RNMT: variants seen among roughly 807,000 people sequenced by gnomAD.
The protein encoded by RNMT is RNA guanine-7 methyltransferase.
Under a neutral mutation model 56.0 loss-of-function variants are expected in RNMT, and 27 were observed. That is an observed-to-expected ratio of 0.48 (90% CI 0.36 to 0.67). RNMT has a LOEUF of 0.67. RNMT is among the 30% of genes least tolerant of loss of function. RNMT has a pLI of 0.00. For synonymous variants in RNMT, 184 were observed against 176.2 expected, an observed-to-expected ratio of 1.04 and a Z score of -0.35; for missense variants, 519 against 552.1, an observed-to-expected ratio of 0.94 and a Z score of 0.60.
rs2044610124 is a variant in RNMT, at chr18:13,760,837, C to G, written c.*858C>G. ...ATTCTCACCATCTGATGCCATGTAC[C>G]CACTTCAGAAATAAGCAATACTTGT... is the stretch of plus-strand genomic sequence containing the variant. On this transcript the variant is annotated 3_prime_UTR_variant, in exon 12 of 12. Transcript: ENST00000383314. 1.0e-6 allele frequency: 1 copy of G among 985,368 alleles called. No individual in the cohort carries two copies. Among genetic ancestry groups the G allele is most frequent in the East Asian group, 1.1e-4 (1 of 8,814 alleles). The allele number at this position is 985,368 out of a possible 1,614,324, so 61.0% of individuals were successfully genotyped here.
intron 8 of RNMT, among the ~76,000 whole-genome samples, chr18:13,743,579 T>A (rs1029082512): frequency 2.6e-5 from 4 of 152,042 alleles, no homozygotes; most frequent in African/African-American, 9.7e-5. Flanking sequence ...CAGGTAAGGC[T>A]TCAAGGCCTT....
intron 10 of RNMT, among the ~76,000 whole-genome samples, chr18:13,753,507 A>G (rs1480747573): frequency 7.3e-6 from 1 of 136,300 alleles, no homozygotes; most frequent in East Asian, 2.2e-4. Context: ...GCAATGGCTC[A>G]ACGCCTGTAA....
intron 8 of RNMT, among the ~76,000 whole-genome samples, chr18:13,744,218 T>G (rs1248994868): frequency 6.8e-6 from 1 of 146,642 alleles, no homozygotes; most frequent in Non-Finnish European, 1.5e-5. Context: ...TAAACCTAAG[T>G]CATCAGTTTA....
intron 8 of RNMT, among the ~76,000 whole-genome samples, chr18:13,743,732 A>T (rs1226724004): frequency 6.6e-6 from 1 of 151,876 alleles, no homozygotes; most frequent in Non-Finnish European, 1.5e-5. Flanking sequence ...AACTGAGAAA[A>T]AGAAGAGGTA....
chr18:13,734,557 T>C lies in RNMT; in HGVS notation c.511T>C (p.Tyr171His), dbSNP rs1490590707. ...GAAGCGTAGTCAAAGTCGTATTTTTTACCTAAGAAACTTTAATAATTGGAT... is the reference window on the plus strand; with the variant it reads ...GAAGCGTAGTCAAAGTCGTATTTTTCACCTAAGAAACTTTAATAATTGGAT... ...LEKRSQSRIF[Y>H]LRNFNNWMKS... The change falls in exon 4 of 12, where the codon TAC becomes CAC. Residue 171 changes from tyrosine to histidine, a missense_variant. Coordinates refer to ENST00000383314, the MANE Select transcript of RNMT (RefSeq NM_003799.3). 1.2e-6 allele frequency: 2 copies of C among 1,613,574 alleles called. No individual in the cohort carries two copies. Among genetic ancestry groups the C allele is most frequent in the African/African-American group, 2.7e-5 (2 of 74,914 alleles).
In RNMT at chr18:13,741,210, A is replaced by T. The variant is rs1012679741; in HGVS notation, c.793-300A>T. On this transcript the variant is annotated intron_variant, in intron 6 of 11. Coordinates refer to ENST00000383314, the MANE Select transcript of RNMT (RefSeq NM_003799.3). ...GTTTTTTAACTCAAGTTATTGTTGA[A>T]TGTCATTTTATTTTAGCTGTCAAGT... Among the ~76,000 whole-genome samples the T allele has an allele frequency of 2.6e-5, 4 of 152,062 alleles. No individual in the cohort carries two copies. The South Asian group carries it at 8.3e-4, about 31-fold the overall frequency.
At chr18:13,753,795 A>G (rs1360269593) in intron 10 of RNMT, among the ~76,000 whole-genome samples, 1 of 143,104 alleles carries the variant, frequency 7.0e-6, no homozygotes, top group African/African-American at 2.7e-5. Context: ...AAAATAATAC[A>G]AGATAGATGC....
chr18:13,751,112 A>G (rs1458229515), intron 9 of RNMT, among the ~76,000 whole-genome samples: 2 of 152,224 alleles, frequency 1.3e-5, no homozygotes, highest in Admixed American at 6.5e-5. Flanking sequence ...AAAACTGACA[A>G]ATGGGATCTA....
At chr18:13,732,238 C>T (rs375440164) in intron 3 of RNMT, among the ~76,000 whole-genome samples, 8 of 152,108 alleles carry the variant, frequency 5.3e-5, no homozygotes, top group African/African-American at 1.9e-4. Flanking sequence ...CACTGTCGCC[C>T]AGGCTGGAGT....
chr18:13,729,710 T>G (rs2044034572), intron 1 of RNMT, among the ~76,000 whole-genome samples: 1 of 152,230 alleles, frequency 6.6e-6, no homozygotes, highest in South Asian at 2.1e-4. Flanking sequence ...TACCCATTCC[T>G]TTAAGCAACT....
At position 13,731,485 on chromosome 18, in the gene RNMT, A is replaced by G; in HGVS notation, c.-33A>G. 1 of 1,531,424 alleles carries G rather than the reference A, an allele frequency of 6.5e-7. No individual in the cohort carries two copies. The allele number at this position is 1,531,424 out of a possible 1,614,324, so 94.9% of individuals were successfully genotyped here. A position where few individuals can be genotyped will look rare whatever the true frequency, so the allele number is the denominator to read the frequency against. On this transcript the variant is annotated 5_prime_UTR_variant, in exon 3 of 12. The change abolishes an upstream ATG in the 5' untranslated region. Coordinates refer to ENST00000383314, the MANE Select transcript of RNMT (RefSeq NM_003799.3). ...TTTTTTCCTATTCTAGTGTTGGTTC[A>G]TGAAGTTTTACCATCAATTCAAGTA...
At chr18:13,730,486 T>C (rs1568496287) in intron 1 of RNMT, 141 bp from the exon 2 acceptor site, 1 of 152,230 alleles carries the variant, frequency 6.6e-6, no homozygotes, top group Non-Finnish European at 1.5e-5. Context: ...GTTCCATTTA[T>C]TAAGTAGTTT....
intron 10 of RNMT, among the ~76,000 whole-genome samples, chr18:13,753,464 C>CA (rs1039998812): frequency 7.7e-5 from 11 of 142,118 alleles, no homozygotes; most frequent in African/African-American, 1.1e-4. Context: ...GACTCTGTCT[C>CA]AAAAAAAAGA....
chr18:13,736,428 G>T (rs1473667772), intron 4 of RNMT, among the ~76,000 whole-genome samples: 1 of 151,500 alleles, frequency 6.6e-6, no homozygotes, highest in Non-Finnish European at 1.5e-5. Context: ...TCTGTTGGCT[G>T]TTAATGTCAT....
chr18:13,747,545 G>C (rs1328961022), intron 9 of RNMT, among the ~76,000 whole-genome samples: 4 of 152,156 alleles, frequency 2.6e-5, no homozygotes, highest in Non-Finnish European at 5.9e-5. Flanking sequence ...TTAGTGGGCA[G>C]CCTGAGGCTC....
intron 10 of RNMT, 80 bp downstream of exon 10, chr18:13,752,507 A>G: frequency 1.1e-6 from 1 of 875,440 alleles, no homozygotes; most frequent in Admixed American, 2.2e-5. Context: ...AAATGATTTC[A>G]CTTGTTTACA....
intron 1 of RNMT, among the ~76,000 whole-genome samples, chr18:13,727,094 A>G (rs975413069): frequency 6.6e-6 from 1 of 152,216 alleles, no homozygotes; most frequent in African/African-American, 2.4e-5. Context: ...GGCCGCGCTA[A>G]TGACGGAGGG....
At position 13,763,890 on chromosome 18, in the gene RNMT, T is replaced by G. The variant is rs2044648121; in HGVS notation, c.*3911T>G. 6.6e-6 allele frequency: 1 copy of G among 152,358 alleles called. No homozygotes were observed. Among genetic ancestry groups the G allele is most frequent in the Non-Finnish European group, 1.5e-5 (1 of 68,148 alleles). The allele number at this position is 152,358 out of a possible 1,614,324, so 9.4% of individuals were successfully genotyped here. ...AAAACGTTGATACTTACTTAGATGT[T>G]CCCTGAGAGGAGTGTTTATTTCTGA... On this transcript the variant is annotated 3_prime_UTR_variant, in exon 12 of 12. Coordinates refer to ENST00000383314, the MANE Select transcript of RNMT (RefSeq NM_003799.3).
In RNMT at chr18:13,763,240, T is replaced by A. The variant is rs889588703; in HGVS notation, c.*3261T>A. 9.2e-6 allele frequency: 4 copies of A among 432,700 alleles called. No individual in the cohort carries two copies. The East Asian group carries it at 2.8e-4, about 30-fold the overall frequency. The allele number at this position is 432,700 out of a possible 1,614,324, so 26.8% of individuals were successfully genotyped here. ...TGACAGAACAACATTCCTAATTCTT[T>A]GAAGGCAACCAGTGCAAAGGCTACT... On this transcript the variant is annotated 3_prime_UTR_variant, in exon 12 of 12. Coordinates refer to ENST00000383314, the MANE Select transcript of RNMT (RefSeq NM_003799.3).
Sources: allele counts gnomAD v4.1 joint callset (sites outside exome capture counted in the v4.1 genomes callset), GRCh38; gene constraint gnomAD v4.1.1; transcripts MANE v1.5; gene names NCBI Gene and HGNC (gene_info 2026-07-23, HGNC 2026-07-21).